The following CSMD1 variants were observed in gnomAD, a reference collection of about 807,000 sequenced individuals.
The protein encoded by CSMD1 is CUB and sushi domain-containing protein 1.
In CSMD1, 213 loss-of-function variants were observed where a neutral mutation model predicts 417.5. That is an observed-to-expected ratio of 0.51 (90% CI 0.46 to 0.57). The LOEUF is 0.57. Ranked by LOEUF, CSMD1 falls within the 20% of genes least tolerant of loss-of-function variation. The pLI is 0.00. For synonymous variants in CSMD1, 2,862 were observed against 1,736.8 expected, an observed-to-expected ratio of 1.65 and a Z score of -16.11; for missense variants, 6,923 against 4,529.7, an observed-to-expected ratio of 1.53 and a Z score of -15.17.
intron 11 of CSMD1, among the ~76,000 whole-genome samples, chr8:3,480,131 G>T (rs1385776987): frequency 1.3e-5 from 2 of 152,010 alleles, no homozygotes; most frequent in African/African-American, 4.8e-5. Flanking sequence ...GGCCTAGGTG[G>T]ATGGATTGCC....
At chr8:3,170,402 G>A (rs928213251) in intron 37 of CSMD1, among the ~76,000 whole-genome samples, 2 of 152,072 alleles carry the variant, frequency 1.3e-5, no homozygotes, top group East Asian at 1.9e-4. Flanking sequence ...TAGAGACGGG[G>A]TTTCACTGTG....
At chr8:4,439,743 T>A (rs1051907575) in intron 2 of CSMD1, among the ~76,000 whole-genome samples, 1 of 152,092 alleles carries the variant, frequency 6.6e-6, no homozygotes, top group African/African-American at 2.4e-5. Flanking sequence ...AGAACATAAA[T>A]CAGTTTTGTG....
intron 1 of CSMD1, among the ~76,000 whole-genome samples, chr8:4,896,424 C>T (rs536728545): frequency 1.3e-5 from 2 of 152,176 alleles, no homozygotes; most frequent in Admixed American, 1.3e-4. Flanking sequence ...GATGTTTTCT[C>T]AATTCTTTTG....
At chr8:3,774,816 G>A (rs577675217) in intron 5 of CSMD1, among the ~76,000 whole-genome samples, 37 of 152,178 alleles carry the variant, frequency 2.4e-4, no homozygotes, top group African/African-American at 8.4e-4. Context: ...GTGCTGCCCC[G>A]TCATTCTCAA....
chr8:4,301,220 G>C (rs1458969887), intron 3 of CSMD1, among the ~76,000 whole-genome samples: 2 of 152,114 alleles, frequency 1.3e-5, no homozygotes, highest in African/African-American at 2.4e-5. Flanking sequence ...TGGCTAGTTT[G>C]TCAAAACAAT....
intron 7 of CSMD1, among the ~76,000 whole-genome samples, chr8:3,705,247 G>T (rs1391709899): frequency 6.6e-6 from 1 of 152,284 alleles, no homozygotes; most frequent in African/African-American, 2.4e-5. Context: ...AATCCAGAGG[G>T]ACATGAACGC....
At chr8:3,343,224 A>T in intron 23 of CSMD1, 70 bp downstream of exon 23, 2 of 1,363,054 alleles carry the variant, frequency 1.5e-6, no homozygotes, top group South Asian at 2.5e-5. Context: ...TTAAAACTTA[A>T]TATAAGCCAA....
chr8:2,943,009 T>G (rs1362891646), intron 68 of CSMD1, among the ~76,000 whole-genome samples: 1 of 152,204 alleles, frequency 6.6e-6, no homozygotes, highest in African/African-American at 2.4e-5. Flanking sequence ...AATATGTCAT[T>G]GAAATTATGT....
intron 26 of CSMD1, among the ~76,000 whole-genome samples, chr8:3,249,283 G>T (rs560678750): frequency 6.6e-6 from 1 of 151,898 alleles, no homozygotes; most frequent in South Asian, 2.1e-4. Context: ...GTGCAGCGGC[G>T]TGATCTCAGT....
At chr8:3,613,542 A>T (rs1217243285) in intron 8 of CSMD1, among the ~76,000 whole-genome samples, 1 of 152,104 alleles carries the variant, frequency 6.6e-6, no homozygotes, top group Non-Finnish European at 1.5e-5. Flanking sequence ...ATCCATAAAA[A>T]GAAAAAAACA....
chr8:4,868,616 T>A (rs541289828), intron 1 of CSMD1, among the ~76,000 whole-genome samples: 30 of 152,222 alleles, frequency 2.0e-4, no homozygotes, highest in African/African-American at 7.2e-4. Flanking sequence ...AATGAACAAG[T>A]GTTCAATCAT....
chr8:4,040,722 G>C (rs1797844047), intron 3 of CSMD1, among the ~76,000 whole-genome samples: 1 of 152,120 alleles, frequency 6.6e-6, no homozygotes, highest in South Asian at 2.1e-4. Flanking sequence ...CACTGCAGGA[G>C]AGACTGCAGC....
At chr8:3,415,389 G>A (rs184655969) in intron 12 of CSMD1, among the ~76,000 whole-genome samples, 7 of 152,236 alleles carry the variant, frequency 4.6e-5, no homozygotes, top group African/African-American at 7.2e-5. Context: ...ATGGAGCCTC[G>A]CTCTGTCACC....
intron 2 of CSMD1, among the ~76,000 whole-genome samples, chr8:4,532,464 C>T (rs34499543): frequency 0.023 from 3,467 of 150,186 alleles, 50 homozygotes; most frequent in Non-Finnish European, 0.038. Context: ...AGAAATCCTG[C>T]ACCCCCATTC....
chr8:4,136,458 C>G (rs1057263698), intron 3 of CSMD1, among the ~76,000 whole-genome samples: 10 of 152,256 alleles, frequency 6.6e-5, no homozygotes, highest in Non-Finnish European at 8.8e-5. Context: ...AAAAATGCCT[C>G]TGTGTGTTAG....
intron 30 of CSMD1, among the ~76,000 whole-genome samples, chr8:3,206,728 G>A (rs747300734): frequency 1.3e-5 from 2 of 149,734 alleles, no homozygotes; most frequent in African/African-American, 2.4e-5. Context: ...GTGTGGGTAT[G>A]TCTTAATTTT....
intron 3 of CSMD1, among the ~76,000 whole-genome samples, chr8:4,237,952 G>C (rs182969185): frequency 2.6e-5 from 4 of 152,170 alleles, no homozygotes; most frequent in Admixed American, 6.5e-5. Flanking sequence ...GAGTCTCCAG[G>C]AGTTGTCTCC....
intron 41 of CSMD1, among the ~76,000 whole-genome samples, chr8:3,138,763 G>A (rs968645576): frequency 2.0e-5 from 3 of 152,224 alleles, no homozygotes; most frequent in African/African-American, 4.8e-5. Flanking sequence ...AATCGAGACA[G>A]AGAAAGAACC....
intron 2 of CSMD1, among the ~76,000 whole-genome samples, chr8:4,594,070 T>G (rs1800131962): frequency 6.6e-6 from 1 of 152,102 alleles, no homozygotes; most frequent in Non-Finnish European, 1.5e-5. Context: ...CATCTTTACA[T>G]GGCCTCTTCC....
Sources: allele counts gnomAD v4.1 joint callset (sites outside exome capture counted in the v4.1 genomes callset), GRCh38; gene constraint gnomAD v4.1.1; transcripts MANE v1.5; gene names NCBI Gene and HGNC (gene_info 2026-07-23, HGNC 2026-07-21).